The following EYS variants were observed in gnomAD, a reference collection of about 807,000 sequenced individuals.
EYS encodes the protein protein eyes shut homolog.
In EYS, 250 loss-of-function variants were observed where a neutral mutation model predicts 282.1. That is an observed-to-expected ratio of 0.89 (90% confidence interval 0.80 to 0.98). The LOEUF (loss-of-function observed/expected upper bound fraction) is 0.98, where lower values mean the gene tolerates loss of function less well. EYS is among the 50% of genes least tolerant of loss of function. EYS has a pLI of 0.00. For synonymous variants in EYS, 1,355 were observed against 1,282.9 expected, an observed-to-expected ratio of 1.06 and a Z score of -1.20; for missense variants, 4,016 against 3,709.0, an observed-to-expected ratio of 1.08 and a Z score of -2.15.
Position 65,260,201 on chromosome 6 carries a change from C to G in EYS, c.2023+35662G>C, listed in dbSNP as rs572963810. Among the ~76,000 whole-genome samples, 6 of 152,116 alleles carry G rather than the reference C, an allele frequency of 3.9e-5. No individual in the cohort carries two copies. The South Asian group carries it at 1.2e-3, about 32-fold the overall frequency. On this transcript the variant is annotated intron_variant, in intron 12 of 42. Coordinates refer to ENST00000503581, the MANE Select transcript of EYS (RefSeq NM_001142800.2). ...AAAACCATCACATCTCGTGAGAACT[C>G]ACTCACTATCAGAACAGCATGGGGG...
chr6:63,909,712 A>C (rs1773866645), intron 35 of EYS, among the ~76,000 whole-genome samples: 1 of 152,168 alleles, frequency 6.6e-6, no homozygotes, highest in South Asian at 2.1e-4. Context: ...CCAGTTCTCA[A>C]ACTTTGGTGC....
intron 21 of EYS, chr6:64,815,335 A>C: frequency 3.3e-6 from 1 of 307,364 alleles, no homozygotes; most frequent in Non-Finnish European, 6.5e-6. Flanking sequence ...TGGCATGGAA[A>C]CATGTTTCTC....
At chr6:64,070,942 C>T (rs1366644762) in intron 32 of EYS, among the ~76,000 whole-genome samples, 1 of 152,036 alleles carries the variant, frequency 6.6e-6, no homozygotes, top group Non-Finnish European at 1.5e-5. Context: ...CTTCTGGACA[C>T]TTGAAACTCC....
chr6:63,726,136 A>C (rs1250137393), intron 42 of EYS, among the ~76,000 whole-genome samples: 3 of 152,162 alleles, frequency 2.0e-5, no homozygotes, highest in Non-Finnish European at 4.4e-5. Context: ...CTTAAAGAGA[A>C]TTTTTGGAGC....
intron 12 of EYS, among the ~76,000 whole-genome samples, chr6:65,274,344 C>T (rs1319982981): frequency 1.3e-5 from 2 of 152,148 alleles, no homozygotes; most frequent in South Asian, 2.1e-4. Context: ...TCTATTTGAT[C>T]TGTGCAGAAG....
chr6:64,833,645 T>G (rs1326441367), intron 19 of EYS, among the ~76,000 whole-genome samples: 1 of 151,954 alleles, frequency 6.6e-6, no homozygotes, highest in Non-Finnish European at 1.5e-5. Context: ...TGTAAATTTT[T>G]TGAATCAAAG....
intron 31 of EYS, among the ~76,000 whole-genome samples, chr6:64,170,713 C>T (rs1397468236): frequency 6.6e-6 from 1 of 151,118 alleles, no homozygotes; most frequent in Non-Finnish European, 1.5e-5. Flanking sequence ...AACAAGGTCA[C>T]ATTTGCAGGT....
chr6:65,174,388 T>C (rs186230400), intron 12 of EYS, among the ~76,000 whole-genome samples: 33 of 151,482 alleles, frequency 2.2e-4, no homozygotes, highest in African/African-American at 3.6e-4. Context: ...ATTTCAAAAA[T>C]ATTTGTAATT....
chr6:63,976,593 T>C (rs1354276461), intron 35 of EYS, among the ~76,000 whole-genome samples: 3 of 152,096 alleles, frequency 2.0e-5, no homozygotes, highest in Non-Finnish European at 4.4e-5. Context: ...CAATTTTATT[T>C]TAGCATCCTT....
chr6:65,454,938 C>A (rs1302410925), intron 5 of EYS, among the ~76,000 whole-genome samples: 1 of 151,850 alleles, frequency 6.6e-6, no homozygotes, highest in Non-Finnish European at 1.5e-5. Context: ...TAAGGTAGCC[C>A]GATTTCTCTA....
At chr6:63,850,692 G>A (rs1048901798) in intron 36 of EYS, among the ~76,000 whole-genome samples, 1 of 152,036 alleles carries the variant, frequency 6.6e-6, no homozygotes, top group African/African-American at 2.4e-5. Context: ...ATATGAAAAA[G>A]AAAAACCGGT....
intron 33 of EYS, among the ~76,000 whole-genome samples, chr6:64,038,819 T>C (rs79646323): frequency 6.6e-6 from 1 of 152,072 alleles, no homozygotes; most frequent in African/African-American, 2.4e-5. Context: ...TTTTTTTTTT[T>C]CTTGAGACGG....
intron 2 of EYS, among the ~76,000 whole-genome samples, chr6:65,605,953 C>T (rs1197170060): frequency 6.6e-6 from 1 of 151,592 alleles, no homozygotes; most frequent in Non-Finnish European, 1.5e-5. Context: ...TCCTTTTACA[C>T]ATTTCAGTAG....
intron 11 of EYS, among the ~76,000 whole-genome samples, chr6:65,302,249 G>A (rs1768863366): frequency 2.6e-5 from 4 of 152,198 alleles, no homozygotes; most frequent in Non-Finnish European, 5.9e-5. Flanking sequence ...TCTTGGCAAT[G>A]TGAGGAGGAA....
At chr6:64,046,557 T>G (rs2149841124) in intron 33 of EYS, among the ~76,000 whole-genome samples, 1 of 152,204 alleles carries the variant, frequency 6.6e-6, no homozygotes, top group South Asian at 2.1e-4. Context: ...TTTTTTTTTT[T>G]TCAACCAGAA....
intron 42 of EYS, among the ~76,000 whole-genome samples, chr6:63,722,717 C>A (rs1768451776): frequency 6.6e-6 from 1 of 152,170 alleles, no homozygotes; most frequent in African/African-American, 2.4e-5. Context: ...CGGCATTATG[C>A]TACACTACTT....
intron 13 of EYS, among the ~76,000 whole-genome samples, chr6:65,045,793 C>T (rs1773083638): frequency 6.6e-6 from 1 of 151,850 alleles, no homozygotes; most frequent in South Asian, 2.1e-4. Flanking sequence ...GGCTCAAGAA[C>T]AGCTGTAGAA....
At chr6:64,661,387 G>A (rs1180450636) in intron 22 of EYS, among the ~76,000 whole-genome samples, 1 of 152,106 alleles carries the variant, frequency 6.6e-6, no homozygotes, top group Admixed American at 6.5e-5. Flanking sequence ...ATTGACAAAT[G>A]GTATCTAATT....
chr6:64,079,090 T>C (rs951885910), intron 32 of EYS, among the ~76,000 whole-genome samples: 11 of 152,162 alleles, frequency 7.2e-5, no homozygotes, highest in Admixed American at 2.0e-4. Context: ...TTATTATGTT[T>C]GTGTCTTTTG....
Sources: gnomAD v4.1 joint callset for allele counts (sites outside exome capture counted in the v4.1 genomes callset) on GRCh38, gnomAD v4.1.1 for gene constraint, MANE v1.5 for transcripts, NCBI Gene and HGNC (gene_info 2026-07-23, HGNC 2026-07-21) for gene names.